Variants in VPS13B observed in about 807,000 individuals in gnomAD.
VPS13B encodes intermembrane lipid transfer protein VPS13B.
Under a neutral mutation model 426.4 loss-of-function variants are expected in VPS13B, and 285 were observed. The observed-to-expected ratio is 0.67, with a 90% CI of 0.61 to 0.74. The LOEUF (loss-of-function observed/expected upper bound fraction) is 0.74, where lower values mean the gene tolerates loss of function less well. Among genes scored for constraint, VPS13B ranks in the 30% least tolerant of loss-of-function variants. The pLI is 0.00. For synonymous variants in VPS13B, 1,676 were observed against 1,676.4 expected, an observed-to-expected ratio of 1.00 and a Z score of 0.01; for missense variants, 4,537 against 4,782.6, an observed-to-expected ratio of 0.95 and a Z score of 1.51.
chr8:99,519,958 T>C (rs1403091804), intron 29 of VPS13B, among the ~76,000 whole-genome samples: 1 of 152,064 alleles, frequency 6.6e-6, no homozygotes, highest in East Asian at 1.9e-4. Context: ...AATAAAAAAA[T>C]GTAAATGTAA....
intron 21 of VPS13B, among the ~76,000 whole-genome samples, chr8:99,416,790 C>T (rs1588351394): frequency 6.6e-6 from 1 of 152,102 alleles, no homozygotes; most frequent in East Asian, 1.9e-4. Flanking sequence ...GGGAATCTCA[C>T]TTAGAAATGC....
chr8:99,181,875 A>C (rs1048716020), intron 16 of VPS13B, among the ~76,000 whole-genome samples: 1 of 152,170 alleles, frequency 6.6e-6, no homozygotes, highest in Non-Finnish European at 1.5e-5. Context: ...ACTGAGTAAA[A>C]AGATGCACAA....
rs143777577 is a variant in VPS13B at position 99,395,996 on chromosome 8, G to GA, written c.3082+4297dup. Reference sequence around the variant, plus strand: ...AGATGTTGAGTAGTAGATATTGCAAGAAAAAGAAATTAATTAACTTGAAGA... The same window carrying GA: ...AGATGTTGAGTAGTAGATATTGCAAGAAAAAAGAAATTAATTAACTTGAAGA... On this transcript the variant is annotated intron_variant, in intron 21 of 61. Transcript: ENST00000357162. 8.1e-4 allele frequency among the ~76,000 whole-genome samples: 123 copies of GA among 152,152 alleles called. 3 individuals carry two copies. In the East Asian group the frequency reaches 0.023, roughly 28 times the overall value.
rs115369860 is a variant in VPS13B, at chr8:99,853,544, G to A, written c.10155G>A (p.Glu3385=). The change falls in exon 56 of 62, where the codon GAG becomes GAA. Residue 3385 remains glutamate (E), a synonymous_variant. Transcript: ENST00000357162. The stretch of plus-strand genomic sequence containing the variant: ...TCACCCACCACAAAGCATCAGCTGA[G>A]CTTCTGAGACTCACACTGGACAACA... ...DDLTHHKASA[E]LLRLTLDNIF... The A allele has an allele frequency of 2.0e-3, 3,230 of 1,614,180 alleles. 68 individuals carry two copies. In the African/African-American group the frequency reaches 0.038, roughly 19 times the overall value.
At chr8:99,705,917 G>A (rs1832479815) in intron 36 of VPS13B, among the ~76,000 whole-genome samples, 2 of 152,050 alleles carry the variant, frequency 1.3e-5, no homozygotes, top group South Asian at 2.1e-4. Context: ...GGATATCAGA[G>A]CGATCTCATG....
chr8:99,293,643 T>A (rs1435743562), intron 19 of VPS13B, among the ~76,000 whole-genome samples: 2 of 147,336 alleles, frequency 1.4e-5, no homozygotes, highest in Admixed American at 1.4e-4. Context: ...AACCTACTCA[T>A]CTGACGAAGG....
At chr8:99,559,904 C>T (rs1231394511) in intron 31 of VPS13B, among the ~76,000 whole-genome samples, 1 of 151,928 alleles carries the variant, frequency 6.6e-6, no homozygotes, top group Non-Finnish European at 1.5e-5. Context: ...TTTTTTGGTT[C>T]CATATGAACT....
At chr8:99,827,117 A>G (rs192590951) in intron 51 of VPS13B, among the ~76,000 whole-genome samples, 278 of 151,874 alleles carry the variant, frequency 1.8e-3, no homozygotes, top group African/African-American at 5.9e-3. Context: ...CTCTTTTTCT[A>G]TTGTTTGGAA....
intron 32 of VPS13B, among the ~76,000 whole-genome samples, chr8:99,576,187 A>C (rs1588510821): frequency 6.6e-6 from 1 of 152,268 alleles, no homozygotes; most frequent in African/African-American, 2.4e-5. Context: ...GAGAAGCTAA[A>C]GTTCTATAAA....
intron 47 of VPS13B, 92 bp downstream of exon 47, chr8:99,818,980 TGGG>T: frequency 7.5e-6 from 2 of 266,912 alleles, no homozygotes. Flanking sequence ...GGGGGAGGGG[TGGG>T]TAGGGAGATG....
intron 33 of VPS13B, among the ~76,000 whole-genome samples, chr8:99,588,845 A>T (rs909565533): frequency 6.6e-6 from 1 of 151,762 alleles, no homozygotes; most frequent in Non-Finnish European, 1.5e-5. Context: ...AACTTCCAAC[A>T]CTATGTTGAA....
At chr8:99,694,992 T>A (rs928144147) in intron 35 of VPS13B, among the ~76,000 whole-genome samples, 4 of 149,048 alleles carry the variant, frequency 2.7e-5, no homozygotes, top group Non-Finnish European at 4.5e-5. Context: ...TCAAAACCAC[T>A]ATGAGATATC....
intron 17 of VPS13B, among the ~76,000 whole-genome samples, chr8:99,204,559 A>G (rs750018764): frequency 5.9e-5 from 9 of 152,250 alleles, no homozygotes; most frequent in Non-Finnish European, 8.8e-5. Flanking sequence ...AACTCTCATC[A>G]GCGTGAACAG....
chr8:99,703,594 C>A lies in VPS13B; in HGVS notation c.6454+3662C>A, dbSNP rs1192997425. Among the ~76,000 whole-genome samples, 7 of 152,006 alleles carry A rather than the reference C, an allele frequency of 4.6e-5. No homozygotes were observed. In the East Asian group the frequency reaches 1.2e-3, roughly 25 times the overall value. ...ATATTTATTTTGCTATTCATTGAAC[C>A]CATCCCATTCTATAGTATTTTCTGA... is the stretch of plus-strand genomic sequence containing the variant. On this transcript the variant is annotated intron_variant, in intron 36 of 61. Coordinates refer to ENST00000357162, the MANE Select transcript of VPS13B (RefSeq NM_152564.5).
intron 48 of VPS13B, 65 bp from the exon 49 acceptor site, chr8:99,819,856 C>T: frequency 6.3e-7 from 1 of 1,575,652 alleles, no homozygotes. Flanking sequence ...AATCTTTAAA[C>T]ATATTTCACA....
In VPS13B at chr8:99,417,795, G is replaced by GT. The variant is rs544072881; in HGVS notation, c.3083-13733dup. On this transcript the variant is annotated intron_variant, in intron 21 of 61. Transcript: ENST00000357162. ...TTCCCCTTACCTTACTTTGTTTCTT[G>GT]TTTTTTTTTCTTGACAGATTTCAGA... Among the ~76,000 whole-genome samples the GT allele has an allele frequency of 1.9e-3, 281 of 148,836 alleles. 1 individual carries two copies. Among genetic ancestry groups the GT allele is most frequent in the Middle Eastern group, 6.9e-3 (2 of 288 alleles).
chr8:99,669,051 A>G (rs891039194), intron 35 of VPS13B, among the ~76,000 whole-genome samples: 1 of 152,168 alleles, frequency 6.6e-6, no homozygotes, highest in African/African-American at 2.4e-5. Context: ...CATAATTGAA[A>G]GCAGGGCCAC....
At chr8:99,823,254 T>C (rs893838040) in intron 50 of VPS13B, among the ~76,000 whole-genome samples, 6 of 152,324 alleles carry the variant, frequency 3.9e-5, no homozygotes, top group African/African-American at 1.4e-4. Flanking sequence ...GGGTTAATAA[T>C]AGTAACTCCC....
At chr8:99,017,055 G>A (rs1841662215) in intron 2 of VPS13B, among the ~76,000 whole-genome samples, 1 of 152,020 alleles carries the variant, frequency 6.6e-6, no homozygotes, top group African/African-American at 2.4e-5. Flanking sequence ...TGTGGTTAGG[G>A]TTTTTCTAGT....
Sources: allele counts gnomAD v4.1 joint callset (sites outside exome capture counted in the v4.1 genomes callset), GRCh38; gene constraint gnomAD v4.1.1; transcripts MANE v1.5; gene names NCBI Gene and HGNC (gene_info 2026-07-23, HGNC 2026-07-21).